Variants in ZSWIM6 observed in about 807,000 individuals in gnomAD.
ZSWIM6 encodes zinc finger SWIM domain-containing protein 6.
A neutral mutation model predicts 113.2 loss-of-function variants in ZSWIM6; 9 were observed. The observed-to-expected ratio is 0.08, with a 90% confidence interval of 0.05 to 0.14. The LOEUF (loss-of-function observed/expected upper bound fraction) is 0.14, where lower values mean the gene tolerates loss of function less well. Ranked by LOEUF, ZSWIM6 falls within the 10% of genes least tolerant of loss-of-function variation. The pLI is 1.00. For synonymous variants in ZSWIM6, 611 were observed against 606.5 expected (o/e 1.01, Z -0.11); for missense variants, 1,162 against 1,552.2 (o/e 0.75, Z 4.22).
Position 61,391,419 on chromosome 5 carries a change from G to A in ZSWIM6, c.676+58471G>A, listed in dbSNP as rs539959513. On this transcript the variant is annotated intron_variant, in intron 1 of 13. Coordinates refer to ENST00000252744, the MANE Select transcript of ZSWIM6 (RefSeq NM_020928.2). ...TGACTTGGCGGTACTTCTTCATGCT[G>A]CTGAAGTCCTTCTCCAGCTGCTTCT... 2.0e-4 allele frequency: 201 copies of A among 997,414 alleles called. No homozygotes were observed. The African/African-American group carries it at 2.9e-3, about 14-fold the overall frequency. The allele number at this position is 997,414 out of a possible 1,614,324, so 61.8% of individuals were successfully genotyped here. A position where few individuals can be genotyped will look rare whatever the true frequency, so the allele number is the denominator to read the frequency against.
intron 1 of ZSWIM6, among the ~76,000 whole-genome samples, chr5:61,388,939 G>T (rs1745645403): frequency 6.6e-6 from 1 of 152,142 alleles, no homozygotes. Context: ...CTTTAATGTG[G>T]TTTTCGAATA....
At chr5:61,477,704 C>A (rs1747741489) in intron 2 of ZSWIM6, among the ~76,000 whole-genome samples, 1 of 152,218 alleles carries the variant, frequency 6.6e-6, no homozygotes, top group Non-Finnish European at 1.5e-5. Flanking sequence ...ACAAGCAAAT[C>A]TATTCAGCAG....
chr5:61,448,804 A>G (rs186026022), intron 1 of ZSWIM6, among the ~76,000 whole-genome samples: 18 of 152,356 alleles, frequency 1.2e-4, no homozygotes, highest in Admixed American at 2.6e-4. Flanking sequence ...GGATAAGGCC[A>G]TAGATGGGAG....
chr5:61,509,302 C>G (rs1378431740), intron 4 of ZSWIM6, among the ~76,000 whole-genome samples: 1 of 151,888 alleles, frequency 6.6e-6, no homozygotes, highest in African/African-American at 2.4e-5. Context: ...AAAATAAGTT[C>G]TGATAACTTT....
rs369690456 is a variant in ZSWIM6, at chr5:61,365,351, C to CAA, written c.676+32414_676+32415dup. 5.3e-3 allele frequency among the ~76,000 whole-genome samples: 776 copies of CAA among 145,440 alleles called. 7 individuals are homozygous for CAA. The highest frequency in any genetic ancestry group is 6.1e-3 in the South Asian group (28 of 4,584). On this transcript the variant is annotated intron_variant, in intron 1 of 13. Coordinates refer to ENST00000252744, the MANE Select transcript of ZSWIM6 (RefSeq NM_020928.2). Reference sequence around the variant, plus strand: ...TGGGCGACAGAGCGGGACTCTGTCTCAAAAAAAAAAAATTATATATATATA... The same window carrying CAA: ...TGGGCGACAGAGCGGGACTCTGTCTCAAAAAAAAAAAAAATTATATATATATA...
Position 61,336,012 on chromosome 5 carries a change from C to T in ZSWIM6, c.676+3064C>T, listed in dbSNP as rs142426525. Among the ~76,000 whole-genome samples the T allele has an allele frequency of 5.2e-3, 792 of 152,278 alleles. 1 individual carries two copies. Among genetic ancestry groups the T allele is most frequent in the African/African-American group, 0.018 (755 of 41,540 alleles). Reference sequence around the variant, plus strand: ...GCACGGTGGCTCACACCTGTAATCCCCGAACTTTGGGAGGTTGAGGTGGGT... The same window carrying T: ...GCACGGTGGCTCACACCTGTAATCCTCGAACTTTGGGAGGTTGAGGTGGGT... On this transcript the variant is annotated intron_variant, in intron 1 of 13. Transcript: ENST00000252744.
intron 2 of ZSWIM6, among the ~76,000 whole-genome samples, chr5:61,481,243 C>A: frequency 6.6e-6 from 1 of 152,144 alleles, no homozygotes; most frequent in East Asian, 1.9e-4. Context: ...ATGCACCAGA[C>A]ACAGCATAAG....
At chr5:61,382,420 G>A (rs565093365) in intron 1 of ZSWIM6, among the ~76,000 whole-genome samples, 1 of 152,290 alleles carries the variant, frequency 6.6e-6, no homozygotes, top group South Asian at 2.1e-4. Context: ...AAATTGACTA[G>A]ATTTTAATGA....
At chr5:61,343,502 G>T (rs1039196257) in intron 1 of ZSWIM6, among the ~76,000 whole-genome samples, 2 of 152,056 alleles carry the variant, frequency 1.3e-5, no homozygotes, top group African/African-American at 2.4e-5. Flanking sequence ...TTTTGTATAC[G>T]CCAGGTTGTA....
At chr5:61,333,009 G>GGGGCCCC in intron 1 of ZSWIM6, 61 bp downstream of exon 1, 4 of 439,812 alleles carry the variant, frequency 9.1e-6, no homozygotes, top group Non-Finnish European at 1.3e-5. Context: ...TGGGGGGGGG[G>GGGGCCCC]TGCCCGCCTT....
chr5:61,396,927 A>G (rs951655210), intron 1 of ZSWIM6, among the ~76,000 whole-genome samples: 2 of 152,206 alleles, frequency 1.3e-5, no homozygotes, highest in Admixed American at 6.5e-5. Flanking sequence ...TATTATAAAC[A>G]TAATAACAAT....
intron 4 of ZSWIM6, among the ~76,000 whole-genome samples, chr5:61,513,543 C>G (rs558773133): frequency 6.6e-6 from 1 of 152,122 alleles, no homozygotes; most frequent in South Asian, 2.1e-4. Flanking sequence ...GTAACATTAT[C>G]TTTGCCTAAA....
At chr5:61,410,058 G>A (rs760477441) in intron 1 of ZSWIM6, among the ~76,000 whole-genome samples, 8 of 152,130 alleles carry the variant, frequency 5.3e-5, no homozygotes, top group Non-Finnish European at 7.3e-5. Flanking sequence ...AGAAGCTTCC[G>A]TATGATCTTC....
At position 61,461,364 on chromosome 5, in the gene ZSWIM6, T is replaced by G. The variant is rs191127654; in HGVS notation, c.677-11317T>G. ...ATCATTCATTATCTATTTCCCTTAT[T>G]TAATAAGTGAGAGAAAAAGAGGGAA... On this transcript the variant is annotated intron_variant, in intron 1 of 13. Transcript: ENST00000252744. Among the ~76,000 whole-genome samples, 142 of 152,320 alleles carry G rather than the reference T, an allele frequency of 9.3e-4. 1 individual carries two copies. Among genetic ancestry groups the G allele is most frequent in the Middle Eastern group, 3.4e-3 (1 of 294 alleles).
chr5:61,333,441 TC>T (rs1197542326), intron 1 of ZSWIM6, among the ~76,000 whole-genome samples: 2 of 151,590 alleles, frequency 1.3e-5, no homozygotes, highest in Non-Finnish European at 3.0e-5. Context: ...CGCTCCTTTT[TC>T]TTTCTGGCCC....
intron 1 of ZSWIM6, among the ~76,000 whole-genome samples, chr5:61,459,295 A>G (rs1747274576): frequency 6.6e-6 from 1 of 152,054 alleles, no homozygotes; most frequent in African/African-American, 2.4e-5. Context: ...TTTTTTTCTG[A>G]CTTTTTTCTA....
chr5:61,516,273 T>C (rs937128318), intron 4 of ZSWIM6, among the ~76,000 whole-genome samples: 1 of 150,554 alleles, frequency 6.6e-6, no homozygotes, highest in Non-Finnish European at 1.5e-5. Flanking sequence ...TTGGATTATT[T>C]ATTTTAAAAT....
chr5:61,405,289 A>T (rs1430097488), intron 1 of ZSWIM6, among the ~76,000 whole-genome samples: 1 of 152,266 alleles, frequency 6.6e-6, no homozygotes, highest in African/African-American at 2.4e-5. Flanking sequence ...TTGTTCACAT[A>T]AGTGGAATGT....
chr5:61,526,376 T>C lies in ZSWIM6; in HGVS notation c.1817T>C (p.Met606Thr). 6.4e-7 allele frequency: 1 copy of C among 1,551,948 alleles called. No individual in the cohort carries two copies. The highest frequency in any genetic ancestry group is 8.7e-7 in the Non-Finnish European group (1 of 1,147,026). ...CGACAGCAGCAGAAACAGTTGGAAA[T>C]GTTCCGAACCCAAAAAAAAGGTGAA... ...LRRQQQKQLE[M>T]FRTQKKELPH... is the part of the protein sequence containing the mutation. The change falls in exon 7 of 14, where the codon ATG becomes ACG. Residue 606 changes from methionine (M) to threonine (T), a missense_variant. Met to Thr is a moderately conservative substitution (Grantham distance 81). Around this residue, in one of 4 missense-constraint regions of ZSWIM6, gnomAD observed 620 missense variants for 804.6 expected, o/e 0.77. Transcript: ENST00000252744.
Sources: gnomAD v4.1 joint callset for allele counts (sites outside exome capture counted in the v4.1 genomes callset) on GRCh38, gnomAD v4.1.1 for gene constraint, gnomAD v4.1.1 regional missense constraint, MANE v1.5 for transcripts, NCBI Gene and HGNC (gene_info 2026-07-23, HGNC 2026-07-21) for gene names.